The following SSH2 variants were observed in gnomAD, a reference collection of about 807,000 sequenced individuals.
The protein encoded by SSH2 is slingshot protein phosphatase 2.
In SSH2, 37 loss-of-function variants were observed where a neutral mutation model predicts 135.2. The observed-to-expected ratio is 0.27, with a 90% CI of 0.21 to 0.36. The LOEUF (loss-of-function observed/expected upper bound fraction) is 0.36, where lower values mean the gene tolerates loss of function less well. SSH2 is among the 10% of genes least tolerant of loss of function. The probability of loss-of-function intolerance (pLI) is 1.00; values close to 1 mark genes in which losing one functional copy is unlikely to be tolerated. For missense variants in SSH2, 1,408 were observed against 1,765.3 expected (o/e 0.80, Z 3.63); for synonymous variants, 628 against 646.2 (o/e 0.97, Z 0.43).
At chr17:29,824,323 T>C (rs2042706289) in intron 2 of SSH2, among the ~76,000 whole-genome samples, 1 of 152,212 alleles carries the variant, frequency 6.6e-6, no homozygotes, top group South Asian at 2.1e-4. Flanking sequence ...ATCCTGATTG[T>C]GTCAGCATTG....
chr17:29,691,968 G>A (rs2038499584), intron 5 of SSH2, among the ~76,000 whole-genome samples: 1 of 151,056 alleles, frequency 6.6e-6, no homozygotes, highest in Non-Finnish European at 1.5e-5. Context: ...GTGAAAGCCT[G>A]TCTCTACTAC....
intron 1 of SSH2, among the ~76,000 whole-genome samples, chr17:29,889,206 G>A (rs556806722): frequency 6.6e-6 from 1 of 152,018 alleles, no homozygotes; most frequent in East Asian, 1.9e-4. Context: ...CAGCACTTTG[G>A]GGGGCCAAGG....
intron 11 of SSH2, among the ~76,000 whole-genome samples, chr17:29,659,509 T>C (rs971936126): frequency 1.3e-5 from 2 of 152,204 alleles, no homozygotes; most frequent in African/African-American, 4.8e-5. Flanking sequence ...TCATATCTTC[T>C]GAAAAGGCAG....
chr17:29,819,661 C>A (rs556118515), intron 2 of SSH2, among the ~76,000 whole-genome samples: 1 of 152,160 alleles, frequency 6.6e-6, no homozygotes, highest in Non-Finnish European at 1.5e-5. Flanking sequence ...TATGTGAACA[C>A]GTGCACATTC....
At chr17:29,929,652 T>C (rs2067144481) in intron 1 of SSH2, among the ~76,000 whole-genome samples, 1 of 151,894 alleles carries the variant, frequency 6.6e-6, no homozygotes, top group Non-Finnish European at 1.5e-5. Context: ...CAAGAATGAC[T>C]CATTACCAAA....
chr17:29,779,810 C>CAAAAAAAGAAAA, intron 3 of SSH2, among the ~76,000 whole-genome samples: 1 of 19,608 alleles, frequency 5.1e-5, no homozygotes, highest in Non-Finnish European at 8.6e-5. Context: ...GACTCTGTCT[C>CAAAAAAAGAAAA]AAAAAAAAAA....
intron 3 of SSH2, among the ~76,000 whole-genome samples, chr17:29,774,396 C>T (rs2151277198): frequency 6.6e-6 from 1 of 152,192 alleles, no homozygotes; most frequent in South Asian, 2.1e-4. Context: ...TCCCAAGTAG[C>T]TGGGATTACA....
At chr17:29,771,749 C>A (rs1294361920) in intron 3 of SSH2, among the ~76,000 whole-genome samples, 1 of 152,182 alleles carries the variant, frequency 6.6e-6, no homozygotes, top group African/African-American at 2.4e-5. Context: ...AGCCCTTTCA[C>A]AAGCAATTTA....
chr17:29,761,030 A>G, intron 3 of SSH2: 4 of 1,077,062 alleles, frequency 3.7e-6, no homozygotes, highest in Non-Finnish European at 4.9e-6. Context: ...CCTCCAGGCA[A>G]GCAGGATGCG....
At chr17:29,687,688 C>A (rs560049379) in intron 5 of SSH2, among the ~76,000 whole-genome samples, 1 of 152,156 alleles carries the variant, frequency 6.6e-6, no homozygotes. Context: ...AACAAGATCT[C>A]GCATATTATT....
intron 3 of SSH2, among the ~76,000 whole-genome samples, chr17:29,711,957 G>A (rs1445590891): frequency 6.6e-6 from 1 of 152,168 alleles, no homozygotes; most frequent in Non-Finnish European, 1.5e-5. Context: ...ATGTATGCCT[G>A]TGACACAGCC....
chr17:29,769,776 A>G (rs1255013193), intron 3 of SSH2, among the ~76,000 whole-genome samples: 3 of 152,182 alleles, frequency 2.0e-5, no homozygotes, highest in Non-Finnish European at 4.4e-5. Flanking sequence ...TTCATCCTAC[A>G]TATTATTGAC....
At chr17:29,806,574 T>C (rs2042350010) in intron 2 of SSH2, among the ~76,000 whole-genome samples, 1 of 152,218 alleles carries the variant, frequency 6.6e-6, no homozygotes, top group East Asian at 1.9e-4. Flanking sequence ...GATACAGCTG[T>C]ACTAACTGTT....
intron 3 of SSH2, among the ~76,000 whole-genome samples, chr17:29,751,997 T>C (rs2040961212): frequency 6.6e-6 from 1 of 152,180 alleles, no homozygotes; most frequent in Admixed American, 6.5e-5. Flanking sequence ...ATATACCTAA[T>C]AAGAAATGTG....
At chr17:29,751,351 G>T (rs1432257645) in intron 3 of SSH2, among the ~76,000 whole-genome samples, 5 of 152,004 alleles carry the variant, frequency 3.3e-5, no homozygotes, top group South Asian at 4.1e-4. Context: ...GGAGGTGGAG[G>T]TTGCAGTGAG....
At chr17:29,691,614 C>T (rs1451064254) in intron 5 of SSH2, among the ~76,000 whole-genome samples, 3 of 151,972 alleles carry the variant, frequency 2.0e-5, no homozygotes, top group African/African-American at 7.2e-5. Flanking sequence ...CCTCAGCCTC[C>T]TGAGTAGCTG....
chr17:29,719,826 G>A (rs1184553868), intron 3 of SSH2, among the ~76,000 whole-genome samples: 3 of 152,062 alleles, frequency 2.0e-5, no homozygotes, highest in South Asian at 2.1e-4. Context: ...GCACAGTCTC[G>A]GCTCACTGCA....
chr17:29,740,143 C>G (rs557610480), intron 3 of SSH2, among the ~76,000 whole-genome samples: 15 of 152,334 alleles, frequency 9.8e-5, no homozygotes, highest in African/African-American at 3.4e-4. Flanking sequence ...GACAGGCCAA[C>G]CACAGAGGTC....
intron 2 of SSH2, among the ~76,000 whole-genome samples, chr17:29,794,266 C>T (rs761416340): frequency 6.6e-6 from 1 of 152,144 alleles, no homozygotes; most frequent in Non-Finnish European, 1.5e-5. Flanking sequence ...AACGAGTGGG[C>T]ATTCTGACTA....
Sources: gnomAD v4.1 joint callset for allele counts (sites outside exome capture counted in the v4.1 genomes callset) on GRCh38, gnomAD v4.1.1 for gene constraint, MANE v1.5 for transcripts, NCBI Gene and HGNC (gene_info 2026-07-23, HGNC 2026-07-21) for gene names.